The following SHOC2 variants were observed in gnomAD, a reference collection of about 807,000 sequenced individuals.
SHOC2 encodes SHOC2 leucine rich repeat scaffold protein.
Under a neutral mutation model 50.2 loss-of-function variants are expected in SHOC2, and 4 were observed. That is an observed-to-expected ratio of 0.08 (90% CI 0.04 to 0.18). The LOEUF (loss-of-function observed/expected upper bound fraction) is 0.18. SHOC2 is among the 10% of genes least tolerant of loss of function. The pLI is 1.00. For missense variants in SHOC2, 388 were observed against 669.6 expected, an observed-to-expected ratio of 0.58 and a Z score of 4.64; for synonymous variants, 218 against 244.5, an observed-to-expected ratio of 0.89 and a Z score of 1.01.
chr10:110,919,972 G>C (rs1846585979), intron 1 of SHOC2: 1 of 151,894 alleles, frequency 6.6e-6, no homozygotes, highest in Non-Finnish European at 1.5e-5. Context: ...CGGCGGCGGC[G>C]GGCGGCCCGG....
intron 8 of SHOC2, 79 bp downstream of exon 8, chr10:111,009,909 C>A (rs892271473): frequency 3.6e-6 from 3 of 840,006 alleles, no homozygotes; most frequent in Admixed American, 3.7e-5. Context: ...ATAAATATGA[C>A]AAATCTATTG....
intron 2 of SHOC2, among the ~76,000 whole-genome samples, chr10:110,969,505 A>G (rs1031559788): frequency 7.9e-5 from 12 of 152,204 alleles, no homozygotes; most frequent in Admixed American, 7.2e-4. Flanking sequence ...TAGACAGTGA[A>G]GTTTTAAAGG....
intron 1 of SHOC2, among the ~76,000 whole-genome samples, chr10:110,945,728 T>C (rs1267060172): frequency 6.6e-6 from 1 of 152,190 alleles, no homozygotes; most frequent in East Asian, 1.9e-4. Flanking sequence ...TTACCCTGTG[T>C]GTGAATACCT....
chr10:110,926,232 T>A (rs1658150002), intron 1 of SHOC2, among the ~76,000 whole-genome samples: 1 of 152,220 alleles, frequency 6.6e-6, no homozygotes, highest in South Asian at 2.1e-4. Flanking sequence ...ACTGTAAGCC[T>A]TAAGATGAGC....
At chr10:110,927,085 T>G (rs781533755) in intron 1 of SHOC2, among the ~76,000 whole-genome samples, 37 of 152,248 alleles carry the variant, frequency 2.4e-4, no homozygotes, top group Non-Finnish European at 3.5e-4. Flanking sequence ...TAAGTATTTC[T>G]TCAACTTTTA....
rs1847749646 is a variant in SHOC2 at position 110,970,035 on chromosome 10, G to A, written c.703+4974G>A. ...AAACATTTATCATTGCTTTTCACTG[G>A]ACACATTCAAAATCCTCCCTACTAG... On this transcript the variant is annotated intron_variant, in intron 2 of 8. Coordinates refer to ENST00000369452, the MANE Select transcript of SHOC2 (RefSeq NM_007373.4). 2.6e-5 allele frequency among the ~76,000 whole-genome samples: 4 copies of A among 152,018 alleles called. No homozygotes were observed. In the South Asian group the frequency reaches 8.3e-4, roughly 32 times the overall value.
intron 3 of SHOC2, among the ~76,000 whole-genome samples, chr10:110,989,254 G>C (rs1848137522): frequency 6.6e-6 from 1 of 152,158 alleles, no homozygotes; most frequent in Non-Finnish European, 1.5e-5. Context: ...CGTTTCTGGA[G>C]GAGTCTCTTT....
chr10:110,943,768 A>G (rs112310004), intron 1 of SHOC2, among the ~76,000 whole-genome samples: 13 of 152,272 alleles, frequency 8.5e-5, no homozygotes, highest in Middle Eastern at 6.8e-3. Flanking sequence ...TTGAGAACCT[A>G]TTTTCTTATA....
At chr10:110,981,803 C>T (rs972183234) in intron 2 of SHOC2, among the ~76,000 whole-genome samples, 2 of 151,726 alleles carry the variant, frequency 1.3e-5, no homozygotes, top group African/African-American at 4.8e-5. Context: ...CATTCTCGGT[C>T]ATGATGTATA....
chr10:110,985,864 A>G lies in SHOC2; in HGVS notation c.841+99A>G, dbSNP rs376461753. The G allele has an allele frequency of 1.7e-5, 17 of 984,178 alleles. No homozygotes were observed. The African/African-American group carries it at 2.4e-4, about 14-fold the overall frequency. The allele number at this position is 984,178 out of a possible 1,614,324, so 61.0% of individuals were successfully genotyped here. A position where few individuals can be genotyped will look rare whatever the true frequency, so the allele number is the denominator to read the frequency against. ...TTTGGTAATGAAAATTCAGGAGTAA[A>G]ATTCACAATTACCAAAGTTGTAAAA... On this transcript the variant is annotated intron_variant, in intron 3 of 8. Transcript: ENST00000369452.
intron 1 of SHOC2, among the ~76,000 whole-genome samples, chr10:110,942,225 G>T (rs1033160717): frequency 1.3e-5 from 2 of 152,134 alleles, no homozygotes; most frequent in East Asian, 3.8e-4. Flanking sequence ...CACTGATTTC[G>T]TCAGGAAGGT....
intron 4 of SHOC2, among the ~76,000 whole-genome samples, 188 bp from the exon 5 acceptor site, chr10:111,004,418 A>G (rs1327828619): frequency 6.6e-6 from 1 of 152,200 alleles, no homozygotes; most frequent in East Asian, 1.9e-4. Flanking sequence ...ACATTTCTGC[A>G]AGGCACCAAA....
chr10:110,996,097 C>CATA (rs1290757012), intron 3 of SHOC2, among the ~76,000 whole-genome samples: 1 of 152,136 alleles, frequency 6.6e-6, no homozygotes, highest in African/African-American at 2.4e-5. Context: ...GAGACTATGT[C>CATA]TTGTGTGGCA....
At chr10:110,996,310 C>G (rs1848266538) in intron 3 of SHOC2, among the ~76,000 whole-genome samples, 1 of 152,144 alleles carries the variant, frequency 6.6e-6, no homozygotes, top group Non-Finnish European at 1.5e-5. Context: ...GAGTGGATCA[C>G]TTTAGCATAG....
chr10:110,959,566 T>TG (rs1847533660), intron 1 of SHOC2, among the ~76,000 whole-genome samples: 3 of 152,210 alleles, frequency 2.0e-5, no homozygotes, highest in African/African-American at 7.2e-5. Flanking sequence ...CATGGACTGT[T>TG]GCAGTGGCTT....
In SHOC2 at chr10:110,923,929, A is replaced by G. The variant is rs181545609; in HGVS notation, c.-235+4272A>G. ...ACAAAGATAAATATTTTTTTCTTTTAGTTTTTCTAATGTCTTGGAGGTAAA... is the reference window on the plus strand; with the variant it reads ...ACAAAGATAAATATTTTTTTCTTTTGGTTTTTCTAATGTCTTGGAGGTAAA... On this transcript the variant is annotated intron_variant, in intron 1 of 8. Transcript: ENST00000369452. Among the ~76,000 whole-genome samples, 17 of 152,156 alleles carry G rather than the reference A, an allele frequency of 1.1e-4. No individual in the cohort carries two copies. The East Asian group carries it at 3.3e-3, about 29-fold the overall frequency.
chr10:111,003,367 T>G (rs2134172433), intron 4 of SHOC2, among the ~76,000 whole-genome samples: 1 of 152,302 alleles, frequency 6.6e-6, no homozygotes, highest in Non-Finnish European at 1.5e-5. Context: ...TTTTAAAATG[T>G]TTTCATCCTT....
At chr10:110,984,590 G>T (rs1218918257) in intron 2 of SHOC2, among the ~76,000 whole-genome samples, 2 of 151,970 alleles carry the variant, frequency 1.3e-5, no homozygotes, top group East Asian at 3.9e-4. Context: ...TCTGTAGTTT[G>T]TGCTTTTCTG....
chr10:110,964,940 C>G lies in SHOC2; in HGVS notation c.582C>G (p.Leu194=). The change falls in exon 2 of 9, where the codon CTC becomes CTG. Residue 194 remains leucine, a synonymous_variant. Transcript: ENST00000369452. This position sits in a 1 kb window ranked among gnomAD's most constrained non-coding sequence, Gnocchi z 4.9. Reference sequence around the variant, plus strand: ...CAGTGGTGTATAGGCTGGATTCTCTCACCACTCTTTACCTTCGCTTTAATC... The same window carrying G: ...CAGTGGTGTATAGGCTGGATTCTCTGACCACTCTTTACCTTCGCTTTAATC... ...IPSVVYRLDS[L]TTLYLRFNRI... The G allele has an allele frequency of 2.5e-6, 4 of 1,613,750 alleles. No homozygotes were observed. The highest frequency in any genetic ancestry group is 3.4e-6 in the Non-Finnish European group (4 of 1,179,926).
Sources: allele counts gnomAD v4.1 joint callset (sites outside exome capture counted in the v4.1 genomes callset), GRCh38; gene constraint gnomAD v4.1.1; non-coding constraint Gnocchi (gnomAD v3.1); transcripts MANE v1.5; gene names NCBI Gene and HGNC (gene_info 2026-07-23, HGNC 2026-07-21).